The following ADAM23 variants were observed in gnomAD, a reference collection of about 807,000 sequenced individuals.
ADAM23 encodes disintegrin and metalloproteinase domain-containing protein 23.
Under a neutral mutation model 120.1 loss-of-function variants are expected in ADAM23, and 33 were observed. The observed-to-expected ratio is 0.27, with a 90% CI of 0.21 to 0.37. The LOEUF (loss-of-function observed/expected upper bound fraction) is 0.37, where lower values mean the gene tolerates loss of function less well. ADAM23 is among the 10% of genes least tolerant of loss of function. ADAM23 has a pLI of 1.00. For missense variants in ADAM23, 862 were observed against 1,058.2 expected (o/e 0.81, Z 2.57); for synonymous variants, 367 against 375.2 (o/e 0.98, Z 0.25).
intron 2 of ADAM23, among the ~76,000 whole-genome samples, chr2:206,452,797 G>C (rs1695222970): frequency 6.6e-6 from 1 of 152,016 alleles, no homozygotes; most frequent in Non-Finnish European, 1.5e-5. Context: ...AGCTATCTAA[G>C]AGTGAACCTT....
intron 18 of ADAM23, among the ~76,000 whole-genome samples, chr2:206,580,494 A>G (rs1030934102): frequency 6.6e-6 from 1 of 151,954 alleles, no homozygotes; most frequent in Non-Finnish European, 1.5e-5. Flanking sequence ...TTTGTTTTTA[A>G]TTCTGTTTAT....
intron 24 of ADAM23, chr2:206,605,865 C>G (rs1402314351): frequency 1.5e-6 from 1 of 687,456 alleles, no homozygotes; most frequent in Non-Finnish European, 2.6e-6. Flanking sequence ...TTTGGAGGCA[C>G]AGGGTGGGGA....
intron 2 of ADAM23, among the ~76,000 whole-genome samples, chr2:206,472,416 C>T (rs1695678361): frequency 6.6e-6 from 1 of 151,868 alleles, no homozygotes; most frequent in East Asian, 1.9e-4. Flanking sequence ...TCAAGACTAG[C>T]CTGGCCAATA....
At chr2:206,516,060 G>T (rs1375129059) in intron 3 of ADAM23, among the ~76,000 whole-genome samples, 2 of 151,828 alleles carry the variant, frequency 1.3e-5, no homozygotes, top group African/African-American at 4.8e-5. Context: ...CCAGTTTAAA[G>T]AAGAGTAATA....
chr2:206,617,933 A>C lies in ADAM23; in HGVS notation c.*306A>C, dbSNP rs1698966480. The C allele has an allele frequency of 3.4e-6, 1 of 295,070 alleles. No individual in the cohort carries two copies. The highest frequency in any genetic ancestry group is 6.1e-6 in the Non-Finnish European group (1 of 163,772). 18.3% of individuals were successfully genotyped at this position (295,070 alleles called of 1,614,324 possible). ...AAGGAACAACACACACACAAAAATT[A>C]AATGCAATAAAGGAATCATTAAAAA... On this transcript the variant is annotated 3_prime_UTR_variant, in exon 26 of 26. Transcript: ENST00000264377.
In ADAM23 at chr2:206,443,744, G is replaced by GCC; in HGVS notation, c.-119_-118dup. The GCC allele has an allele frequency of 5.6e-6, 2 of 356,308 alleles. No individual in the cohort carries two copies. Among genetic ancestry groups the GCC allele is most frequent in the Non-Finnish European group, 7.8e-6 (2 of 256,854 alleles). 22.1% of individuals were successfully genotyped at this position (356,308 alleles called of 1,614,324 possible). A position where few individuals can be genotyped will look rare whatever the true frequency, so the allele number is the denominator to read the frequency against. On this transcript the variant is annotated 5_prime_UTR_variant, in exon 1 of 26. Coordinates refer to ENST00000264377, the MANE Select transcript of ADAM23 (RefSeq NM_003812.4). ...CCGCGCCCCGTGCCCCGAGCCCGGAGCCCCCTGCCCGCCGCGGCACCATGC... is the reference window on the plus strand; with the variant it reads ...CCGCGCCCCGTGCCCCGAGCCCGGAGCCCCCCCTGCCCGCCGCGGCACCATGC...
chr2:206,605,965 C>T, intron 24 of ADAM23: 1 of 590,032 alleles, frequency 1.7e-6, no homozygotes, highest in Non-Finnish European at 3.0e-6. Flanking sequence ...ATGTCTCGTC[C>T]TGTTGACCGT....
At position 206,621,124 on chromosome 2, in the gene ADAM23, C is replaced by T. The variant is rs575059122; in HGVS notation, c.*3497C>T. 2.8e-4 allele frequency: 42 copies of T among 152,304 alleles called. No homozygotes were observed. The highest frequency in any genetic ancestry group is 9.1e-4 in the African/African-American group (38 of 41,564). 9.4% of individuals were successfully genotyped at this position (152,304 alleles called of 1,614,324 possible). On this transcript the variant is annotated 3_prime_UTR_variant, in exon 26 of 26. Transcript: ENST00000264377. ...AAATGTGTATTAAAACTTTCGTTAACGTAGAATGTTGTAGCTTTATGCTTT... is the reference window on the plus strand; with the variant it reads ...AAATGTGTATTAAAACTTTCGTTAATGTAGAATGTTGTAGCTTTATGCTTT...
At position 206,561,184 on chromosome 2, in the gene ADAM23, C is replaced by G. The variant is rs745464569; in HGVS notation, c.1226C>G (p.Ser409Cys). Reference protein sequence around the residue: ...SSLSYFGGVCSRTRGVGVNEY... With the variant: ...SSLSYFGGVCCRTRGVGVNEY... ...CTGAGTTACTTTGGAGGTGTCTGTT[C>G]TCGCACAAGAGGAGTTGGTGTGAAT... Residue 409 changes from serine (S) to cysteine (C), a missense_variant, in exon 12 of 26, where the codon TCT becomes TGT. Around this residue, in one of 4 missense-constraint regions of ADAM23, gnomAD observed 617 missense variants for 813.5 expected, o/e 0.76. Coordinates refer to ENST00000264377, the MANE Select transcript of ADAM23 (RefSeq NM_003812.4). The G allele has an allele frequency of 6.2e-7, 1 of 1,613,968 alleles. No individual in the cohort carries two copies. The highest frequency in any genetic ancestry group is 1.1e-5 in the South Asian group (1 of 91,064).
At chr2:206,548,502 A>C in intron 8 of ADAM23, 148 bp downstream of exon 8, 1 of 704,894 alleles carries the variant, frequency 1.4e-6, no homozygotes, top group Non-Finnish European at 2.3e-6. Context: ...AAACCCTATG[A>C]TTTGAGCCTT....
intron 3 of ADAM23, among the ~76,000 whole-genome samples, chr2:206,512,256 C>T (rs930117477): frequency 1.6e-4 from 24 of 152,022 alleles, no homozygotes; most frequent in African/African-American, 4.6e-4. Context: ...TCTTAAAGGA[C>T]GAACAAATTC....
At chr2:206,558,400 G>A (rs1313562789) in intron 10 of ADAM23, among the ~76,000 whole-genome samples, 1 of 152,046 alleles carries the variant, frequency 6.6e-6, no homozygotes, top group Admixed American at 6.6e-5. Flanking sequence ...TTACTCCAAA[G>A]AGCTGCCTTC....
At chr2:206,494,202 T>G (rs1195369994) in intron 3 of ADAM23, among the ~76,000 whole-genome samples, 1 of 152,180 alleles carries the variant, frequency 6.6e-6, no homozygotes, top group African/African-American at 2.4e-5. Context: ...ATACTGCACA[T>G]TACATCCACT....
chr2:206,508,847 A>G (rs1345686240), intron 3 of ADAM23, among the ~76,000 whole-genome samples: 2 of 152,174 alleles, frequency 1.3e-5, no homozygotes, highest in Admixed American at 1.3e-4. Flanking sequence ...GAAGTCATCA[A>G]CAACATAAGA....
chr2:206,568,789 A>G (rs550606684), intron 15 of ADAM23, among the ~76,000 whole-genome samples: 1 of 152,366 alleles, frequency 6.6e-6, no homozygotes, highest in Non-Finnish European at 1.5e-5. Context: ...GCAAACTGAG[A>G]GAGCAGCGAA....
chr2:206,542,183 C>T, intron 5 of ADAM23, 49 bp downstream of exon 5: 1 of 1,551,374 alleles, frequency 6.4e-7, no homozygotes, highest in Non-Finnish European at 8.9e-7. Context: ...TTTCCAGTTT[C>T]CCTTTTATGG....
intron 3 of ADAM23, among the ~76,000 whole-genome samples, chr2:206,491,520 G>A (rs1341898124): frequency 6.6e-6 from 1 of 152,168 alleles, no homozygotes; most frequent in Non-Finnish European, 1.5e-5. Flanking sequence ...CCCCAATGCA[G>A]AATGTGGGCA....
intron 21 of ADAM23, among the ~76,000 whole-genome samples, chr2:206,591,528 ATACTT>A (rs1553563572): frequency 1.3e-5 from 2 of 152,178 alleles, no homozygotes; most frequent in Non-Finnish European, 2.9e-5. Flanking sequence ...TGAATATACT[ATACTT>A]TAGTTCTCCA....
intron 3 of ADAM23, among the ~76,000 whole-genome samples, chr2:206,495,453 G>C (rs1189803410): frequency 6.6e-6 from 1 of 152,174 alleles, no homozygotes; most frequent in Non-Finnish European, 1.5e-5. Context: ...CAAATGCTGA[G>C]AGATTTCGTC....
Sources: allele counts gnomAD v4.1 joint callset (sites outside exome capture counted in the v4.1 genomes callset), GRCh38; gene constraint gnomAD v4.1.1; regional missense constraint gnomAD v4.1.1; transcripts MANE v1.5; gene names NCBI Gene and HGNC (gene_info 2026-07-23, HGNC 2026-07-21).